CADPS2: variants seen among roughly 807,000 people sequenced by gnomAD.
CADPS2 encodes the protein calcium dependent secretion activator 2.
A neutral mutation model predicts 172.5 loss-of-function variants in CADPS2; 93 were observed. The ratio of observed to expected loss-of-function variants is 0.54; its 90% CI spans 0.46 to 0.64. CADPS2 has a LOEUF of 0.64. Among genes scored for constraint, CADPS2 ranks in the 30% least tolerant of loss-of-function variants. The pLI, the probability that CADPS2 is intolerant of heterozygous loss-of-function variation, is 0.00. For missense variants in CADPS2, 1,420 were observed against 1,565.9 expected (o/e 0.91, Z 1.57); for synonymous variants, 546 against 555.2 (o/e 0.98, Z 0.23).
chr7:122,334,240 A>G (rs1323191654), intron 28 of CADPS2, among the ~76,000 whole-genome samples: 1 of 152,166 alleles, frequency 6.6e-6, no homozygotes, highest in Non-Finnish European at 1.5e-5. Context: ...CTATGCTAAC[A>G]CTATGAGTTC....
At chr7:122,380,650 C>T (rs1227507786) in intron 24 of CADPS2, among the ~76,000 whole-genome samples, 1 of 151,996 alleles carries the variant, frequency 6.6e-6, no homozygotes, top group Non-Finnish European at 1.5e-5. Flanking sequence ...TTTGGAGTGT[C>T]TGAATTATTT....
At chr7:122,528,317 C>T (rs1251988266) in intron 8 of CADPS2, among the ~76,000 whole-genome samples, 1 of 152,026 alleles carries the variant, frequency 6.6e-6, no homozygotes, top group African/African-American at 2.4e-5. Context: ...TGAAGAATAC[C>T]TACAATGTCA....
intron 5 of CADPS2, among the ~76,000 whole-genome samples, chr7:122,617,772 A>C (rs570304325): frequency 2.6e-5 from 4 of 152,206 alleles, no homozygotes; most frequent in African/African-American, 9.6e-5. Context: ...AGCCGGGCAC[A>C]GTGGCTCACG....
chr7:122,811,892 T>C (rs1439590879), intron 1 of CADPS2, among the ~76,000 whole-genome samples: 1 of 152,162 alleles, frequency 6.6e-6, no homozygotes, highest in Non-Finnish European at 1.5e-5. Flanking sequence ...GAACTACTGA[T>C]TAGACAGATC....
Position 122,362,036 on chromosome 7 carries a change from C to T in CADPS2, c.3388-1023G>A, listed in dbSNP as rs941505793. Among the ~76,000 whole-genome samples the T allele has an allele frequency of 1.3e-5, 2 of 152,180 alleles. 1 individual carries two copies. The highest frequency in any genetic ancestry group is 4.2e-4 in the South Asian group (2 of 4,814). ...GAGCTGAGATCATGCCATTGCTCTC[C>T]AGCCTGGGTGACAAGAGCAAAACTC... On this transcript the variant is annotated intron_variant, in intron 25 of 29. Transcript: ENST00000449022.
chr7:122,864,785 T>C (rs1405894921), intron 1 of CADPS2, among the ~76,000 whole-genome samples: 1 of 152,178 alleles, frequency 6.6e-6, no homozygotes, highest in Admixed American at 6.5e-5. Context: ...TTCCAACTTG[T>C]AGCTCTGTTA....
intron 17 of CADPS2, among the ~76,000 whole-genome samples, chr7:122,427,733 T>A (rs368414253): frequency 6.6e-6 from 1 of 151,544 alleles, no homozygotes; most frequent in African/African-American, 2.4e-5. Context: ...AGATAACACT[T>A]TTTTTTTTCT....
chr7:122,663,194 C>A lies in CADPS2; in HGVS notation c.786+43G>T, dbSNP rs113140509. 9.7e-4 allele frequency: 1,322 copies of A among 1,368,566 alleles called. 9 individuals are homozygous for A. In the East Asian group the frequency reaches 0.013, roughly 14 times the overall value. 84.8% of individuals were successfully genotyped at this position (1,368,566 alleles called of 1,614,324 possible). A position where few individuals can be genotyped will look rare whatever the true frequency, so the allele number is the denominator to read the frequency against. ...GCTTGTAAATACTTCATGTTCATTC[C>A]ACGAGTCAGACAGGGGAAGGGAAAA... On this transcript the variant is annotated intron_variant, in intron 3 of 29. Transcript: ENST00000449022.
chr7:122,821,237 G>T (rs919881074), intron 1 of CADPS2, among the ~76,000 whole-genome samples: 1 of 151,956 alleles, frequency 6.6e-6, no homozygotes, highest in Non-Finnish European at 1.5e-5. Context: ...ATTTATTGAT[G>T]GCGGTTCCAC....
At chr7:122,740,300 C>G (rs2092394214) in intron 1 of CADPS2, among the ~76,000 whole-genome samples, 1 of 152,072 alleles carries the variant, frequency 6.6e-6, no homozygotes, top group South Asian at 2.1e-4. Flanking sequence ...TAGCTTTTTT[C>G]ATAATTGCAA....
chr7:122,326,909 A>C (rs540650860), intron 28 of CADPS2, among the ~76,000 whole-genome samples: 10 of 152,090 alleles, frequency 6.6e-5, no homozygotes, highest in Non-Finnish European at 1.5e-4. Context: ...GCATCAAATG[A>C]GATAAGCTAA....
At chr7:122,777,123 C>T (rs1385356622) in intron 1 of CADPS2, among the ~76,000 whole-genome samples, 1 of 152,054 alleles carries the variant, frequency 6.6e-6, no homozygotes, top group Non-Finnish European at 1.5e-5. Context: ...TGCACTCCAG[C>T]CTAGGCAACA....
intron 17 of CADPS2, among the ~76,000 whole-genome samples, chr7:122,435,549 A>G (rs535586267): frequency 2.2e-4 from 34 of 152,268 alleles, no homozygotes; most frequent in Non-Finnish European, 4.6e-4. Flanking sequence ...TGGAGAAAAA[A>G]GAACTCTTGT....
rs536990211 is a variant in CADPS2 at position 122,572,073 on chromosome 7, C to T, written c.1335+9106G>A. Among the ~76,000 whole-genome samples the T allele has an allele frequency of 7.3e-4, 111 of 152,152 alleles. 1 individual carries two copies. Among genetic ancestry groups the T allele is most frequent in the Middle Eastern group, 3.4e-3 (1 of 294 alleles). On this transcript the variant is annotated intron_variant, in intron 7 of 29. Coordinates refer to ENST00000449022, the MANE Select transcript of CADPS2 (RefSeq NM_017954.11). ...TGAAGAAAACATTAGAGAAGCTCCT[C>T]GTGAAATCATAATCACAGGTATTTT... is the stretch of plus-strand genomic sequence containing the variant.
In CADPS2 at chr7:122,345,054, C is replaced by T. The variant is rs182666684; in HGVS notation, c.3612+520G>A. Among the ~76,000 whole-genome samples the T allele has an allele frequency of 6.3e-3, 953 of 152,080 alleles. 5 individuals are homozygous for T. Among genetic ancestry groups the T allele is most frequent in the Non-Finnish European group, 0.011 (759 of 67,976 alleles). ...AGATATTCAGAAGGCACCCCGCCAT[C>T]CCCCCGGCCCACACACCAACAAATA... On this transcript the variant is annotated intron_variant, in intron 28 of 29. Coordinates refer to ENST00000449022, the MANE Select transcript of CADPS2 (RefSeq NM_017954.11).
At chr7:122,741,735 T>G (rs1034630126) in intron 1 of CADPS2, among the ~76,000 whole-genome samples, 1 of 152,168 alleles carries the variant, frequency 6.6e-6, no homozygotes, top group African/African-American at 2.4e-5. Flanking sequence ...CATCCTTTTA[T>G]TATCTCAGTG....
intron 20 of CADPS2, among the ~76,000 whole-genome samples, chr7:122,400,091 T>C (rs182634993): frequency 2.4e-4 from 36 of 151,916 alleles, no homozygotes; most frequent in African/African-American, 6.5e-4. Flanking sequence ...CTAAACCCTA[T>C]GAAAATATAA....
chr7:122,413,800 AACCAAAG>A (rs971768640), intron 19 of CADPS2, among the ~76,000 whole-genome samples: 25 of 152,242 alleles, frequency 1.6e-4, no homozygotes, highest in African/African-American at 6.0e-4. Context: ...GACAAAAAAC[AACCAAAG>A]ACACAAACCA....
At chr7:122,671,614 G>A (rs1176620840) in intron 2 of CADPS2, among the ~76,000 whole-genome samples, 1 of 151,648 alleles carries the variant, frequency 6.6e-6, no homozygotes, top group Non-Finnish European at 1.5e-5. Flanking sequence ...GAGGAAAGAG[G>A]GAAAGAATGA....
Sources: gnomAD v4.1 joint callset for allele counts (sites outside exome capture counted in the v4.1 genomes callset) on GRCh38, gnomAD v4.1.1 for gene constraint, MANE v1.5 for transcripts, NCBI Gene and HGNC (gene_info 2026-07-23, HGNC 2026-07-21) for gene names.